Variants in TRMT9B observed in about 807,000 individuals in gnomAD.
The protein encoded by TRMT9B is probable tRNA methyltransferase 9B.
Under a neutral mutation model 11.5 loss-of-function variants are expected in TRMT9B, and 16 were observed. That is an observed-to-expected ratio of 1.39 (90% CI 0.94 to 2.11). The LOEUF (loss-of-function observed/expected upper bound fraction) is 2.11, where lower values mean the gene tolerates loss of function less well. Among genes scored for constraint, TRMT9B ranks in the 30% most tolerant of loss-of-function variants. TRMT9B has a pLI of 0.00. For missense variants in TRMT9B, 941 were observed against 553.8 expected (o/e 1.70, Z -7.02); for synonymous variants, 274 against 192.4 (o/e 1.42, Z -3.51).
intron 1 of TRMT9B, among the ~76,000 whole-genome samples, chr8:12,974,173 AAAAAG>A (rs68193536): frequency 0.11 from 16,748 of 151,790 alleles, 916 homozygotes; most frequent in African/African-American, 0.12. Context: ...CTGTCCCTTA[AAAAAG>A]AAAAGAAAAG....
chr8:12,949,481 G>T (rs771353149), intron 1 of TRMT9B, among the ~76,000 whole-genome samples: 2 of 152,108 alleles, frequency 1.3e-5, no homozygotes, highest in Admixed American at 1.3e-4. Flanking sequence ...TTTCTTTACA[G>T]TACATTTTTC....
chr8:13,021,530 T>G lies in TRMT9B; in HGVS notation c.851T>G (p.Val284Gly). ...GTTTGGGCCAGTAGCACTGTAACAG[T>G]CCAGCCTTCCAGACACTCTAGTTTA... ...TEVWASSTVTVQPSRHSSLDF... is the reference protein window; with the variant it reads ...TEVWASSTVTGQPSRHSSLDF... Residue 284 changes from valine to glycine, a missense_variant, in exon 5 of 5, where the codon GTC (valine) becomes GGC (glycine). Coordinates refer to ENST00000524591, the MANE Select transcript of TRMT9B (RefSeq NM_020844.3). 6.2e-7 allele frequency: 1 copy of G among 1,613,838 alleles called. No individual in the cohort carries two copies. The highest frequency in any genetic ancestry group is 8.5e-7 in the Non-Finnish European group (1 of 1,179,788).
intron 1 of TRMT9B, among the ~76,000 whole-genome samples, chr8:12,947,708 C>T (rs1800331977): frequency 6.6e-6 from 1 of 152,170 alleles, no homozygotes; most frequent in Non-Finnish European, 1.5e-5. Context: ...TACGTGAATT[C>T]CTTACTTAAA....
At chr8:13,012,967 A>C in intron 4 of TRMT9B, 110 bp downstream of exon 4, 2 of 1,267,454 alleles carry the variant, frequency 1.6e-6, no homozygotes, top group Non-Finnish European at 2.0e-6. Context: ...AATGTAATTT[A>C]TTTTATCTAA....
rs140045234 is a variant in TRMT9B at position 13,016,608 on chromosome 8, T to C, written c.328+3751T>C. 3.2e-3 allele frequency among the ~76,000 whole-genome samples: 483 copies of C among 151,912 alleles called. 5 individuals carry two copies. The highest frequency in any genetic ancestry group is 0.01 in the Middle Eastern group (3 of 294). Reference sequence around the variant, plus strand: ...CATACCTGGTTATGCCTTCATTTTATTGGCATATTAGAAAAAGAAATATTG... The same window carrying C: ...CATACCTGGTTATGCCTTCATTTTACTGGCATATTAGAAAAAGAAATATTG... On this transcript the variant is annotated intron_variant, in intron 4 of 4. Transcript: ENST00000524591.
At position 13,012,889 on chromosome 8, in the gene TRMT9B, G is replaced by T. The variant is rs761481271; in HGVS notation, c.328+32G>T. The T allele has an allele frequency of 6.8e-6, 11 of 1,607,262 alleles. No individual in the cohort carries two copies. The African/African-American group carries it at 1.2e-4, about 18-fold the overall frequency. ...CAGCCAGATCACACATTCACCCTTT[G>T]CCATGAGAATAATTGACCCGGTTTA... On this transcript the variant is annotated intron_variant, in intron 4 of 4. Transcript: ENST00000524591.
intron 1 of TRMT9B, among the ~76,000 whole-genome samples, chr8:12,977,611 G>C (rs1431961731): frequency 6.6e-6 from 1 of 152,098 alleles, no homozygotes; most frequent in Non-Finnish European, 1.5e-5. Context: ...TGAGGCAGGA[G>C]AATCACTTGA....
intron 1 of TRMT9B, chr8:12,951,769 A>C (rs1017735455): frequency 7.9e-5 from 12 of 151,850 alleles, no homozygotes; most frequent in African/African-American, 2.9e-4. Context: ...TCGCGGGGCC[A>C]GCCCAAAGCC....
intron 3 of TRMT9B, chr8:13,010,923 G>T (rs1016968184): frequency 3.3e-6 from 3 of 922,620 alleles, no homozygotes; most frequent in East Asian, 1.2e-4. Flanking sequence ...CGAGATCAAA[G>T]AAATAATATC....
intron 2 of TRMT9B, among the ~76,000 whole-genome samples, chr8:13,003,245 T>A (rs1422691606): frequency 6.6e-6 from 1 of 152,196 alleles, no homozygotes; most frequent in Non-Finnish European, 1.5e-5. Context: ...AGTTCTTAAA[T>A]GATTGAAAAT....
intron 2 of TRMT9B, among the ~76,000 whole-genome samples, chr8:12,992,483 T>G (rs1366029590): frequency 6.6e-6 from 1 of 151,868 alleles, no homozygotes; most frequent in African/African-American, 2.4e-5. Flanking sequence ...GGTTCTAGAC[T>G]TGGGCATATT....
intron 4 of TRMT9B, among the ~76,000 whole-genome samples, chr8:13,014,916 C>T (rs1812338371): frequency 6.6e-6 from 1 of 151,950 alleles, no homozygotes; most frequent in African/African-American, 2.4e-5. Flanking sequence ...CAAAAATTAG[C>T]CGGGCATGGT....
rs372362869 is a variant in TRMT9B, at chr8:13,028,569, C to CTTTTTTT, written c.*6529_*6530insTTTTTTT. The CTTTTTTT allele has an allele frequency of 1.8e-5, 2 of 109,488 alleles. No homozygotes were observed. Among genetic ancestry groups the CTTTTTTT allele is most frequent in the Non-Finnish European group, 1.9e-5 (1 of 52,668 alleles). 6.8% of individuals were successfully genotyped at this position (109,488 alleles called of 1,614,324 possible). ...TAAGTGATAAGCACTTTTCTCTTTT[C>CTTTTTTT]TTTTCTTTTTTTTTTTTTTTTTTTG... On this transcript the variant is annotated 3_prime_UTR_variant, in exon 5 of 5. Coordinates refer to ENST00000524591, the MANE Select transcript of TRMT9B (RefSeq NM_020844.3).
intron 3 of TRMT9B, chr8:13,007,086 T>C (rs1305778423): frequency 1.3e-5 from 2 of 152,286 alleles, no homozygotes; most frequent in Non-Finnish European, 2.9e-5. Context: ...AAACTAACCG[T>C]TGTAAATTTA....
intron 4 of TRMT9B, 92 bp downstream of exon 4, chr8:13,012,949 G>A: frequency 7.3e-7 from 1 of 1,370,964 alleles, no homozygotes; most frequent in Non-Finnish European, 9.6e-7. Context: ...GTTCTGTGTA[G>A]AAATGTCAAT....
At chr8:12,984,727 C>T (rs560891159) in intron 1 of TRMT9B, among the ~76,000 whole-genome samples, 145 of 152,174 alleles carry the variant, frequency 9.5e-4, no homozygotes, top group African/African-American at 3.2e-3. Context: ...GGAAGCCGGG[C>T]GCTATATTTT....
chr8:12,974,322 A>T (rs1054526991), intron 1 of TRMT9B, among the ~76,000 whole-genome samples: 1 of 152,096 alleles, frequency 6.6e-6, no homozygotes, highest in Non-Finnish European at 1.5e-5. Flanking sequence ...AAGCTTCTTG[A>T]TAGCAGCAGG....
chr8:13,004,208 A>G (rs889538778), intron 2 of TRMT9B, among the ~76,000 whole-genome samples: 1 of 151,922 alleles, frequency 6.6e-6, no homozygotes, highest in Non-Finnish European at 1.5e-5. Flanking sequence ...CTGGGGTACT[A>G]AATACACTTG....
chr8:13,022,804 C>A lies in TRMT9B; in HGVS notation c.*760C>A, dbSNP rs774025546. On this transcript the variant is annotated 3_prime_UTR_variant, in exon 5 of 5. Coordinates refer to ENST00000524591, the MANE Select transcript of TRMT9B (RefSeq NM_020844.3). ...CCCAGGAGTTCAAGAATAGCCTGGG[C>A]AACATAGCAAGACCCCATCTCTATA... 2.4e-5 allele frequency: 4 copies of A among 165,434 alleles called. No homozygotes were observed. The highest frequency in any genetic ancestry group is 4.4e-5 in the Non-Finnish European group (3 of 68,216). 10.2% of individuals were successfully genotyped at this position (165,434 alleles called of 1,614,324 possible).
Sources: gnomAD v4.1 joint callset for allele counts (sites outside exome capture counted in the v4.1 genomes callset) on GRCh38, gnomAD v4.1.1 for gene constraint, MANE v1.5 for transcripts, NCBI Gene and HGNC (gene_info 2026-07-23, HGNC 2026-07-21) for gene names.